The following RGS6 variants were observed in gnomAD, a reference collection of about 807,000 sequenced individuals.
The protein encoded by RGS6 is regulator of G-protein signaling 6.
RGS6 carries 30 observed loss-of-function variants against 78.5 expected under a neutral mutation model. The ratio of observed to expected loss-of-function variants is 0.38; its 90% CI spans 0.29 to 0.52. The LOEUF is 0.52. Ranked by LOEUF, RGS6 falls within the 20% of genes least tolerant of loss-of-function variation. The pLI is 0.85. For missense variants in RGS6, 495 were observed against 609.7 expected, an observed-to-expected ratio of 0.81 and a Z score of 1.98; for synonymous variants, 206 against 206.0, an observed-to-expected ratio of 1.00 and a Z score of 0.00.
At chr14:72,441,925 G>T (rs915493195) in intron 3 of RGS6, among the ~76,000 whole-genome samples, 1 of 152,202 alleles carries the variant, frequency 6.6e-6, no homozygotes, top group Admixed American at 6.5e-5. Context: ...TGACCTAGCA[G>T]TGCACCAGCT....
chr14:71,879,320 T>G, the RGS6 span, among the ~76,000 whole-genome samples: 1 of 152,160 alleles, frequency 6.6e-6, no homozygotes, highest in East Asian at 1.9e-4. Context: ...AGAGAAATGG[T>G]TAAGAGCTTT....
intron 2 of RGS6, among the ~76,000 whole-genome samples, chr14:72,005,008 G>A (rs914623838): frequency 1.1e-4 from 17 of 152,132 alleles, no homozygotes; most frequent in African/African-American, 3.6e-4. Flanking sequence ...AATTCTAGAA[G>A]TTTATCCTGA....
chr14:72,396,788 T>A (rs1270830167), intron 3 of RGS6, among the ~76,000 whole-genome samples: 1 of 152,192 alleles, frequency 6.6e-6, no homozygotes, highest in Non-Finnish European at 1.5e-5. Context: ...CCAACACCAT[T>A]TATTAAATAG....
chr14:72,512,271 C>A (rs1267419014), intron 14 of RGS6, among the ~76,000 whole-genome samples: 1 of 152,188 alleles, frequency 6.6e-6, no homozygotes, highest in East Asian at 1.9e-4. Flanking sequence ...GTGAGGGTCC[C>A]AGGAGCATCC....
intron 3 of RGS6, among the ~76,000 whole-genome samples, chr14:72,392,875 G>A (rs534860034): frequency 1.8e-4 from 27 of 152,238 alleles, no homozygotes; most frequent in South Asian, 1.5e-3. Flanking sequence ...AAGTTGTACC[G>A]GGAAAAACTG....
chr14:72,145,581 C>A (rs531650325), intron 2 of RGS6, among the ~76,000 whole-genome samples: 1 of 152,154 alleles, frequency 6.6e-6, no homozygotes, highest in Non-Finnish European at 1.5e-5. Flanking sequence ...TGGGTTCAAG[C>A]GATTCTTGTG....
the RGS6 span, among the ~76,000 whole-genome samples, chr14:72,585,500 C>T: frequency 6.6e-6 from 1 of 152,186 alleles, no homozygotes; most frequent in African/African-American, 2.4e-5. Context: ...AGGCCTCATC[C>T]AAGCCCTCTG....
At chr14:72,472,230 A>T (rs906231772) in intron 8 of RGS6, among the ~76,000 whole-genome samples, 2 of 151,986 alleles carry the variant, frequency 1.3e-5, no homozygotes, top group African/African-American at 2.4e-5. Flanking sequence ...AGATCAGAAC[A>T]ATAAGAATCT....
chr14:72,030,618 ACCTGG>A (rs2090702445), intron 2 of RGS6, among the ~76,000 whole-genome samples: 1 of 152,230 alleles, frequency 6.6e-6, no homozygotes, highest in African/African-American at 2.4e-5. Context: ...TTTTTACTGC[ACCTGG>A]AGAGGCCTTT....
the RGS6 span, among the ~76,000 whole-genome samples, chr14:72,585,730 A>G: frequency 2.6e-5 from 4 of 152,240 alleles, no homozygotes; most frequent in African/African-American, 4.8e-5. Flanking sequence ...GTAGCACGTC[A>G]AAACCTCCAC....
At chr14:72,363,468 A>C (rs1210315162) in intron 3 of RGS6, among the ~76,000 whole-genome samples, 1 of 152,246 alleles carries the variant, frequency 6.6e-6, no homozygotes, top group Non-Finnish European at 1.5e-5. Flanking sequence ...TGCTAATTCA[A>C]GAGTAACTTT....
intron 2 of RGS6, among the ~76,000 whole-genome samples, chr14:72,347,161 T>C (rs2078215140): frequency 6.6e-6 from 1 of 152,188 alleles, no homozygotes; most frequent in African/African-American, 2.4e-5. Flanking sequence ...CAGAACTTCA[T>C]ATTAAAGGAT....
chr14:72,456,989 C>A (rs2095647348), intron 4 of RGS6, among the ~76,000 whole-genome samples: 1 of 147,394 alleles, frequency 6.8e-6, no homozygotes, highest in Non-Finnish European at 1.5e-5. Flanking sequence ...GAGGCTGGGG[C>A]AGAAGTATCA....
chr14:72,074,310 C>T (rs1159466104), intron 2 of RGS6, among the ~76,000 whole-genome samples: 1 of 152,214 alleles, frequency 6.6e-6, no homozygotes, highest in Non-Finnish European at 1.5e-5. Context: ...GATCTCCTGC[C>T]TCAGCTTCCT....
At chr14:72,066,938 T>G (rs972948994) in intron 2 of RGS6, among the ~76,000 whole-genome samples, 1 of 152,132 alleles carries the variant, frequency 6.6e-6, no homozygotes, top group Non-Finnish European at 1.5e-5. Flanking sequence ...AAGATTTTTG[T>G]GCTGAGAATG....
chr14:72,374,177 T>C (rs548989436), intron 3 of RGS6, among the ~76,000 whole-genome samples: 1 of 152,178 alleles, frequency 6.6e-6, no homozygotes, highest in Non-Finnish European at 1.5e-5. Context: ...GCCATGTTGG[T>C]GTGCTGCACC....
At chr14:71,982,148 C>G (rs186446402) in intron 2 of RGS6, among the ~76,000 whole-genome samples, 3 of 151,652 alleles carry the variant, frequency 2.0e-5, no homozygotes, top group Non-Finnish European at 4.4e-5. Flanking sequence ...CTTCGGCTGG[C>G]GCATGGTGCG....
chr14:72,152,706 T>C (rs528217084), intron 2 of RGS6, among the ~76,000 whole-genome samples: 2 of 152,228 alleles, frequency 1.3e-5, no homozygotes, highest in South Asian at 4.2e-4. Context: ...GGGGCATATT[T>C]AGAAGTTATT....
rs534202316 is a variant in RGS6 at position 71,975,615 on chromosome 14, C to T, written c.84+10740C>T. On this transcript the variant is annotated intron_variant, in intron 2 of 17. Coordinates refer to ENST00000553525, the MANE Select transcript of RGS6 (RefSeq NM_001204424.2). ...CTGGGACTAGAGGTGCGTGCCACCA[C>T]GCCCAAATAATTTTTGTATTTTTAG... 7.4e-4 allele frequency among the ~76,000 whole-genome samples: 112 copies of T among 152,182 alleles called. 1 individual carries two copies. The highest frequency in any genetic ancestry group is 3.4e-3 in the Middle Eastern group (1 of 294).
Sources: allele counts gnomAD v4.1 joint callset (sites outside exome capture counted in the v4.1 genomes callset), GRCh38; gene constraint gnomAD v4.1.1; transcripts MANE v1.5; gene names NCBI Gene and HGNC (gene_info 2026-07-23, HGNC 2026-07-21).